The following PCDH9 variants were observed in gnomAD, a reference collection of about 807,000 sequenced individuals.
PCDH9 encodes protocadherin-9.
A neutral mutation model predicts 70.6 loss-of-function variants in PCDH9; 24 were observed. That is an observed-to-expected ratio of 0.34 (90% confidence interval 0.25 to 0.48). The LOEUF is 0.48. PCDH9 is among the 20% of genes least tolerant of loss of function. The pLI is 0.99. For synonymous variants in PCDH9, 562 were observed against 558.5 expected (o/e 1.01, Z -0.09); for missense variants, 1,281 against 1,503.6 (o/e 0.85, Z 2.45).
intron 4 of PCDH9, among the ~76,000 whole-genome samples, chr13:66,326,476 T>A (rs1271696833): frequency 6.6e-6 from 1 of 151,000 alleles, no homozygotes; most frequent in African/African-American, 2.4e-5. Context: ...TGGAGTGCAG[T>A]GGCGCGATCT....
intron 3 of PCDH9, among the ~76,000 whole-genome samples, chr13:66,813,352 AAT>A (rs1471175840): frequency 4.6e-5 from 7 of 152,252 alleles, no homozygotes; most frequent in South Asian, 2.1e-4. Context: ...AAATATTAAT[AAT>A]AGAGATTATT....
At chr13:66,572,946 G>A (rs117571957) in intron 4 of PCDH9, among the ~76,000 whole-genome samples, 16 of 151,908 alleles carry the variant, frequency 1.1e-4, no homozygotes, top group Middle Eastern at 3.4e-3. Context: ...TTTTTGTAGC[G>A]GGGACTCATG....
chr13:66,468,862 C>T (rs1404611093), intron 4 of PCDH9, among the ~76,000 whole-genome samples: 2 of 151,990 alleles, frequency 1.3e-5, no homozygotes, highest in African/African-American at 4.8e-5. Flanking sequence ...GGCTTAAATA[C>T]TTGAAGTTAC....
At chr13:66,384,935 C>T (rs1194521626) in intron 4 of PCDH9, among the ~76,000 whole-genome samples, 1 of 152,202 alleles carries the variant, frequency 6.6e-6, no homozygotes, top group Non-Finnish European at 1.5e-5. Flanking sequence ...TCCCAAAGTG[C>T]TGGGATTGCA....
intron 2 of PCDH9, among the ~76,000 whole-genome samples, chr13:67,138,207 C>A (rs2087282959): frequency 6.6e-6 from 1 of 152,044 alleles, no homozygotes; most frequent in African/African-American, 2.4e-5. Context: ...TCCTCCTATA[C>A]AAAATGGCAA....
At chr13:66,380,077 T>A (rs1367850223) in intron 4 of PCDH9, among the ~76,000 whole-genome samples, 1 of 152,190 alleles carries the variant, frequency 6.6e-6, no homozygotes, top group Non-Finnish European at 1.5e-5. Context: ...CATTCAAACA[T>A]ACAGTTGATA....
chr13:66,800,128 G>A lies in PCDH9; in HGVS notation c.3138+103376C>T, dbSNP rs748721397. On this transcript the variant is annotated intron_variant, in intron 3 of 4. Coordinates refer to ENST00000377865, the MANE Select transcript of PCDH9 (RefSeq NM_203487.3). Reference sequence around the variant, plus strand: ...AATAAAATCCAAACTATTTTTCATCGTCACCAAAGGTTACACTATTTCCCA... The same window carrying A: ...AATAAAATCCAAACTATTTTTCATCATCACCAAAGGTTACACTATTTCCCA... Among the ~76,000 whole-genome samples, 20 of 151,976 alleles carry A rather than the reference G, an allele frequency of 1.3e-4. 1 individual carries two copies. The highest frequency in any genetic ancestry group is 2.2e-4 in the Non-Finnish European group (15 of 67,978).
Position 66,302,948 on chromosome 13 carries a change from C to G in PCDH9, c.*1707G>C. The stretch of plus-strand genomic sequence containing the variant: ...TTTATTCTGTCAAAGTCATCAAACA[C>G]CCCTCACAAACCGACAAAAATGTAC... On this transcript the variant is annotated 3_prime_UTR_variant, in exon 5 of 5. Transcript: ENST00000377865. The G allele has an allele frequency of 6.6e-6, 1 of 152,410 alleles. No homozygotes were observed. Among genetic ancestry groups the G allele is most frequent in the East Asian group, 1.9e-4 (1 of 5,186 alleles). 9.4% of individuals were successfully genotyped at this position (152,410 alleles called of 1,614,324 possible).
intron 3 of PCDH9, among the ~76,000 whole-genome samples, chr13:66,657,708 C>A (rs748200418): frequency 2.0e-5 from 3 of 152,162 alleles, no homozygotes; most frequent in Admixed American, 1.3e-4. Flanking sequence ...GTCATAATAT[C>A]TCCTCCTGCC....
intron 4 of PCDH9, among the ~76,000 whole-genome samples, chr13:66,370,614 G>T (rs1304670642): frequency 6.6e-6 from 1 of 151,178 alleles, no homozygotes; most frequent in Non-Finnish European, 1.5e-5. Context: ...AGGCTCAAGG[G>T]ATCCTCCCGT....
At chr13:66,960,385 A>G (rs2083327361) in intron 2 of PCDH9, among the ~76,000 whole-genome samples, 1 of 152,174 alleles carries the variant, frequency 6.6e-6, no homozygotes, top group South Asian at 2.1e-4. Flanking sequence ...ATAAGTTATA[A>G]TCTACATATA....
chr13:66,930,141 A>G (rs1204191638), intron 2 of PCDH9, among the ~76,000 whole-genome samples: 1 of 152,098 alleles, frequency 6.6e-6, no homozygotes, highest in East Asian at 1.9e-4. Context: ...CCTCAAACCA[A>G]TGTTCTATGC....
chr13:66,570,085 G>A (rs1009830625), intron 4 of PCDH9, among the ~76,000 whole-genome samples: 6 of 152,084 alleles, frequency 3.9e-5, no homozygotes, highest in East Asian at 1.9e-4. Flanking sequence ...ATTAAAAAGC[G>A]TCAACTATTG....
At chr13:66,909,805 TTAAC>T (rs2082429014) in intron 2 of PCDH9, among the ~76,000 whole-genome samples, 7 of 152,152 alleles carry the variant, frequency 4.6e-5, no homozygotes, top group Non-Finnish European at 1.5e-5. Context: ...CAGTAATATA[TTAAC>T]TAACTAGGTA....
At chr13:67,185,682 C>A (rs896346074) in intron 2 of PCDH9, among the ~76,000 whole-genome samples, 1 of 152,106 alleles carries the variant, frequency 6.6e-6, no homozygotes, top group African/African-American at 2.4e-5. Context: ...GAATTCCTTT[C>A]CAAATTATTT....
chr13:67,225,095 C>T (rs897795114), intron 2 of PCDH9: 115 of 1,210,378 alleles, frequency 9.5e-5, no homozygotes, highest in Admixed American at 1.6e-4. Context: ...CAGAATTTGG[C>T]ATATCAGGAC....
chr13:66,914,112 CAG>C (rs1431172198), intron 2 of PCDH9, among the ~76,000 whole-genome samples: 1 of 151,814 alleles, frequency 6.6e-6, no homozygotes, highest in African/African-American at 2.4e-5. Flanking sequence ...TTTAAAAGGC[CAG>C]AGTGTTTTTT....
At chr13:66,747,980 C>T (rs1279883995) in intron 3 of PCDH9, among the ~76,000 whole-genome samples, 4 of 152,108 alleles carry the variant, frequency 2.6e-5, no homozygotes, top group Admixed American at 2.6e-4. Context: ...TGTGGTATAG[C>T]CAATTAAAAC....
intron 4 of PCDH9, among the ~76,000 whole-genome samples, chr13:66,407,842 T>C (rs1380874727): frequency 6.6e-6 from 1 of 152,158 alleles, no homozygotes; most frequent in Non-Finnish European, 1.5e-5. Context: ...TGGCTCTCTT[T>C]ACACCTTAAA....
Sources: gnomAD v4.1 joint callset for allele counts (sites outside exome capture counted in the v4.1 genomes callset) on GRCh38, gnomAD v4.1.1 for gene constraint, MANE v1.5 for transcripts, NCBI Gene and HGNC (gene_info 2026-07-23, HGNC 2026-07-21) for gene names.